Variants in BFSP1 observed in about 807,000 individuals in gnomAD.
BFSP1 encodes beaded filament structural protein 1.
BFSP1 carries 38 observed loss-of-function variants against 43.9 expected under a neutral mutation model. The observed-to-expected ratio is 0.87, with a 90% CI of 0.67 to 1.14. The LOEUF is 1.14. BFSP1 is among the 50% of genes most tolerant of loss of function. BFSP1 has a pLI of 0.00. For synonymous variants in BFSP1, 352 were observed against 354.8 expected, an observed-to-expected ratio of 0.99 and a Z score of 0.09; for missense variants, 850 against 875.1, an observed-to-expected ratio of 0.97 and a Z score of 0.36.
At chr20:17,511,684 A>G (rs1430444056) in intron 4 of BFSP1, among the ~76,000 whole-genome samples, 1 of 152,244 alleles carries the variant, frequency 6.6e-6, no homozygotes, top group Admixed American at 6.5e-5. Flanking sequence ...TTTGGAAAGC[A>G]GCTTGGTCAT....
At chr20:17,500,700 G>A (rs1425239021) in intron 5 of BFSP1, among the ~76,000 whole-genome samples, 2 of 151,990 alleles carry the variant, frequency 1.3e-5, no homozygotes, top group Admixed American at 6.6e-5. Context: ...TACCCCAGCC[G>A]CAGCCTCCTA....
intron 3 of BFSP1, 115 bp from the exon 4 acceptor site, chr20:17,512,183 A>G: frequency 1.3e-6 from 1 of 757,848 alleles, no homozygotes; most frequent in Non-Finnish European, 2.1e-6. Flanking sequence ...CACAGACAGG[A>G]CAGACCATGA....
At chr20:17,514,654 C>A in intron 3 of BFSP1, 67 bp downstream of exon 3, 1 of 1,488,544 alleles carries the variant, frequency 6.7e-7, no homozygotes, top group African/African-American at 1.4e-5. Flanking sequence ...GCCACAGTAC[C>A]CTCGGCTTAC....
intron 5 of BFSP1, among the ~76,000 whole-genome samples, chr20:17,500,704 C>G (rs1427476330): frequency 6.6e-6 from 1 of 152,162 alleles, no homozygotes; most frequent in East Asian, 1.9e-4. Context: ...CCAGCCGCAG[C>G]CTCCTACAGC....
Position 17,553,778 on chromosome 20 carries a change from T to TAG in BFSP1, c.2+4909_2+4910insCT, listed in dbSNP as rs1383910557. On this transcript the variant is annotated intron_variant, in intron 1 of 7. Transcript: ENST00000377868. ...AAGACCTGTTAAAAATATATAAACA[T>TAG]ATATATATATATATATACACACACA... is the stretch of plus-strand genomic sequence containing the variant. Among the ~76,000 whole-genome samples, 4 of 63,536 alleles carry TAG rather than the reference T, an allele frequency of 6.3e-5. No homozygotes were observed. In the East Asian group the frequency reaches 9.9e-4, roughly 16 times the overall value. 41.7% of individuals were successfully genotyped at this position (63,536 alleles called of 152,430 possible). A position where few individuals can be genotyped will look rare whatever the true frequency, so the allele number is the denominator to read the frequency against.
chr20:17,539,664 G>A (rs1395956415), intron 1 of BFSP1, among the ~76,000 whole-genome samples: 1 of 152,056 alleles, frequency 6.6e-6, no homozygotes, highest in African/African-American at 2.4e-5. Flanking sequence ...TACTCGGGAG[G>A]CTGAGGTGGG....
upstream of BFSP1, among the ~76,000 whole-genome samples, chr20:17,534,755 C>T (rs1176330288): frequency 1.3e-5 from 2 of 152,218 alleles, no homozygotes; most frequent in African/African-American, 4.8e-5. Context: ...TGTGGTGGCT[C>T]ATGCCTGTAA....
At chr20:17,497,592 ACG>A (rs1460511065) in intron 6 of BFSP1, among the ~76,000 whole-genome samples, 21 of 85,320 alleles carry the variant, frequency 2.5e-4, no homozygotes, top group Admixed American at 2.3e-4. Context: ...GTATATATAT[ACG>A]TGTATATATA....
chr20:17,519,405 C>T (rs1176358625), intron 2 of BFSP1, among the ~76,000 whole-genome samples: 1 of 152,194 alleles, frequency 6.6e-6, no homozygotes, highest in Non-Finnish European at 1.5e-5. Context: ...TCAAGCAACT[C>T]GATGCAACAT....
chr20:17,526,404 G>GTTTTT (rs1568701018), intron 1 of BFSP1, among the ~76,000 whole-genome samples: 2 of 152,086 alleles, frequency 1.3e-5, no homozygotes, highest in African/African-American at 4.8e-5. Flanking sequence ...ACTACCTTAT[G>GTTTTT]TAAGTGGAAT....
chr20:17,534,308 C>T (rs1367972630), upstream of BFSP1, among the ~76,000 whole-genome samples: 2 of 152,178 alleles, frequency 1.3e-5, no homozygotes, highest in African/African-American at 4.8e-5. Context: ...TAAGAAAGAT[C>T]TGAGGTTAAG....
chr20:17,565,980 TGGTGGCAGATGC>T (rs2035114181), intron 1 of BFSP1: 1 of 152,132 alleles, frequency 6.6e-6, no homozygotes, highest in Non-Finnish European at 1.5e-5. Flanking sequence ...TAGTTGGGCA[TGGTGGCAGATGC>T]CTGTAATCCC....
intron 1 of BFSP1, among the ~76,000 whole-genome samples, chr20:17,544,706 T>C (rs1444903734): frequency 6.6e-6 from 1 of 152,176 alleles, no homozygotes; most frequent in East Asian, 1.9e-4. Flanking sequence ...TCTTACCACC[T>C]CCTGAATATC....
intron 5 of BFSP1, among the ~76,000 whole-genome samples, chr20:17,505,538 C>T (rs1166938682): frequency 6.6e-6 from 1 of 152,272 alleles, no homozygotes; most frequent in Non-Finnish European, 1.5e-5. Context: ...CACCGAGTTC[C>T]GGCCACAGAG....
chr20:17,559,290 A>G (rs1456185587), upstream of BFSP1, among the ~76,000 whole-genome samples: 1 of 152,226 alleles, frequency 6.6e-6, no homozygotes, highest in Admixed American at 6.5e-5. Context: ...TGTTTTGTCT[A>G]GAGCCCAAGG....
intron 4 of BFSP1, among the ~76,000 whole-genome samples, chr20:17,509,964 A>G (rs575567664): frequency 1.3e-5 from 2 of 152,340 alleles, no homozygotes; most frequent in South Asian, 4.1e-4. Context: ...CAAGTCTACA[A>G]TGAGGGTTTC....
intron 1 of BFSP1, among the ~76,000 whole-genome samples, chr20:17,542,748 G>A (rs140883690): frequency 3.7e-4 from 56 of 152,278 alleles, no homozygotes; most frequent in African/African-American, 1.2e-3. Flanking sequence ...TGTTTAACAT[G>A]GAACCCTAAA....
intron 1 of BFSP1, among the ~76,000 whole-genome samples, chr20:17,556,796 T>A (rs1166988846): frequency 6.6e-6 from 1 of 152,182 alleles, no homozygotes; most frequent in Non-Finnish European, 1.5e-5. Flanking sequence ...TATATAAATA[T>A]GTGGCAGGAA....
At chr20:17,503,282 G>T (rs999962791) in intron 5 of BFSP1, among the ~76,000 whole-genome samples, 7 of 152,124 alleles carry the variant, frequency 4.6e-5, no homozygotes, top group African/African-American at 1.7e-4. Flanking sequence ...CTCCCACCTT[G>T]GCCTCCCAAA....
Sources: gnomAD v4.1 joint callset for allele counts (sites outside exome capture counted in the v4.1 genomes callset) on GRCh38, gnomAD v4.1.1 for gene constraint, MANE v1.5 for transcripts, NCBI Gene and HGNC (gene_info 2026-07-23, HGNC 2026-07-21) for gene names.